CHN1: variants seen among roughly 807,000 people sequenced by gnomAD.
The protein encoded by CHN1 is N-chimaerin.
CHN1 carries 37 observed loss-of-function variants against 59.5 expected under a neutral mutation model. The observed-to-expected ratio is 0.62, with a 90% CI of 0.48 to 0.82. The LOEUF (loss-of-function observed/expected upper bound fraction) is 0.82, where lower values mean the gene tolerates loss of function less well. Ranked by LOEUF, CHN1 falls within the 40% of genes least tolerant of loss-of-function variation. The probability of loss-of-function intolerance (pLI) is 0.00; values close to 1 mark genes in which losing one functional copy is unlikely to be tolerated. For synonymous variants in CHN1, 206 were observed against 200.4 expected (o/e 1.03, Z -0.24); for missense variants, 469 against 571.0 (o/e 0.82, Z 1.82).
At chr2:174,983,542 C>T (rs1220792182) in intron 1 of CHN1, among the ~76,000 whole-genome samples, 2 of 151,840 alleles carry the variant, frequency 1.3e-5, no homozygotes, top group Admixed American at 1.3e-4. Flanking sequence ...AAAAAATAAG[C>T]TAGACGGCCG....
intron 6 of CHN1, among the ~76,000 whole-genome samples, chr2:174,857,654 G>T (rs927718077): frequency 1.3e-5 from 2 of 152,048 alleles, no homozygotes; most frequent in African/African-American, 4.8e-5. Flanking sequence ...GCTGAAACTG[G>T]GCTTCATGAG....
chr2:174,880,733 T>C (rs1379618474), intron 5 of CHN1, among the ~76,000 whole-genome samples: 1 of 152,104 alleles, frequency 6.6e-6, no homozygotes, highest in African/African-American at 2.4e-5. Context: ...TCAATACAAA[T>C]ACACAAAGTG....
intron 1 of CHN1, among the ~76,000 whole-genome samples, chr2:174,999,939 T>C (rs1691831297): frequency 6.6e-6 from 1 of 152,186 alleles, no homozygotes; most frequent in South Asian, 2.1e-4. Flanking sequence ...TATAGGATGG[T>C]TACCTGCAGA....
chr2:174,838,094 C>CT (rs1050683201), intron 7 of CHN1, among the ~76,000 whole-genome samples: 341 of 149,726 alleles, frequency 2.3e-3, no homozygotes, highest in African/African-American at 7.1e-3. Flanking sequence ...AAACCTCACT[C>CT]TTTTTTTTTT....
Position 174,877,833 on chromosome 2 carries a change from A to C in CHN1, c.549+7T>G. 1 of 1,610,152 alleles carries C rather than the reference A, an allele frequency of 6.2e-7. No individual in the cohort carries two copies. The highest frequency in any genetic ancestry group is 8.5e-7 in the Non-Finnish European group (1 of 1,177,718). On this transcript the variant is annotated splice_region_variant and intron_variant, in intron 6 of 12. Transcript: ENST00000409900. ...AAAAGATAAAGTGTGGTTTCATAGT[A>C]GCTTACCCTTTTCTCTGACACCCCA... is the stretch of plus-strand genomic sequence containing the variant.
chr2:174,955,109 C>A (rs114549834), intron 1 of CHN1, among the ~76,000 whole-genome samples: 6,126 of 148,138 alleles, frequency 0.041, 445 homozygotes, highest in African/African-American at 0.14. Context: ...ATATATAGAT[C>A]TATAGATCTA....
chr2:174,922,118 G>A (rs1401091836), intron 3 of CHN1, among the ~76,000 whole-genome samples: 1 of 152,132 alleles, frequency 6.6e-6, no homozygotes, highest in African/African-American at 2.4e-5. Context: ...TACAGATGAT[G>A]GCTATTCTAG....
chr2:174,799,785 C>CAGACTACCCA lies in CHN1; in HGVS notation c.*321_*330dup, dbSNP rs769706242. The CAGACTACCCA allele has an allele frequency of 1.1e-5, 6 of 543,590 alleles. No individual in the cohort carries two copies. Among genetic ancestry groups the CAGACTACCCA allele is most frequent in the South Asian group, 9.2e-5 (6 of 65,266 alleles). The allele number at this position is 543,590 out of a possible 1,614,324, so 33.7% of individuals were successfully genotyped here. A position where few individuals can be genotyped will look rare whatever the true frequency, so the allele number is the denominator to read the frequency against. ...TGTGAAACATGCTGGATTACAAGCA[C>CAGACTACCCA]AGACTACCCAGGACGCAGAGGCGGT... On this transcript the variant is annotated 3_prime_UTR_variant, in exon 13 of 13. Coordinates refer to ENST00000409900, the MANE Select transcript of CHN1 (RefSeq NM_001822.7).
chr2:174,968,542 A>G (rs1690660923), intron 1 of CHN1, among the ~76,000 whole-genome samples: 1 of 152,268 alleles, frequency 6.6e-6, no homozygotes, highest in South Asian at 2.1e-4. Flanking sequence ...TACACAACAG[A>G]ATAAGTTGCC....
chr2:174,962,517 T>C (rs1690444291), intron 1 of CHN1, among the ~76,000 whole-genome samples: 1 of 152,126 alleles, frequency 6.6e-6, no homozygotes, highest in Non-Finnish European at 1.5e-5. Context: ...ACCCAGCTTA[T>C]GAACCTGTCA....
At chr2:174,869,881 CA>C (rs774173488) in intron 6 of CHN1, among the ~76,000 whole-genome samples, 13 of 152,140 alleles carry the variant, frequency 8.5e-5, no homozygotes, top group Admixed American at 2.6e-4. Flanking sequence ...GTGAAAGGAA[CA>C]GGGGTGTAAA....
At chr2:174,826,371 C>T (rs1685679822) in intron 7 of CHN1, among the ~76,000 whole-genome samples, 1 of 152,146 alleles carries the variant, frequency 6.6e-6, no homozygotes. Flanking sequence ...GTAGGCAGTG[C>T]TGATTCAGAA....
At chr2:174,955,569 A>T (rs1050013660) in intron 1 of CHN1, among the ~76,000 whole-genome samples, 4 of 152,104 alleles carry the variant, frequency 2.6e-5, no homozygotes, top group Non-Finnish European at 4.4e-5. Flanking sequence ...CCAAATTCTC[A>T]GAAATCACCA....
At chr2:174,842,985 C>G (rs1686366631) in intron 7 of CHN1, among the ~76,000 whole-genome samples, 1 of 152,192 alleles carries the variant, frequency 6.6e-6, no homozygotes, top group South Asian at 2.1e-4. Flanking sequence ...AAAAATTAAA[C>G]TCATATTTTT....
intron 8 of CHN1, among the ~76,000 whole-genome samples, chr2:174,822,586 G>GT (rs1485508072): frequency 6.6e-6 from 1 of 152,210 alleles, no homozygotes; most frequent in African/African-American, 2.4e-5. Flanking sequence ...CTATTGCAGA[G>GT]TATCAGCTGG....
chr2:174,849,047 AAC>A (rs1447204847), intron 6 of CHN1, among the ~76,000 whole-genome samples: 1 of 152,200 alleles, frequency 6.6e-6, no homozygotes, highest in Non-Finnish European at 1.5e-5. Flanking sequence ...AACAGCTCCA[AAC>A]ACAAGTTGAA....
chr2:174,874,600 C>G (rs1024930670), intron 6 of CHN1, among the ~76,000 whole-genome samples: 1 of 152,304 alleles, frequency 6.6e-6, no homozygotes, highest in Non-Finnish European at 1.5e-5. Context: ...AGATGCACAA[C>G]TTACACCTTT....
At chr2:174,867,356 G>T (rs1462016489) in intron 6 of CHN1, among the ~76,000 whole-genome samples, 2 of 150,876 alleles carry the variant, frequency 1.3e-5, no homozygotes, top group East Asian at 3.9e-4. Flanking sequence ...TCCCGCACAG[G>T]TGACAGAGCG....
chr2:174,999,524 T>A (rs1691816542), intron 1 of CHN1, among the ~76,000 whole-genome samples: 1 of 152,204 alleles, frequency 6.6e-6, no homozygotes, highest in African/African-American at 2.4e-5. Flanking sequence ...ACCTATAACT[T>A]ATTATACTAA....
Sources: gnomAD v4.1 joint callset for allele counts (sites outside exome capture counted in the v4.1 genomes callset) on GRCh38, gnomAD v4.1.1 for gene constraint, MANE v1.5 for transcripts, NCBI Gene and HGNC (gene_info 2026-07-23, HGNC 2026-07-21) for gene names.